The following EBF3 variants were observed in gnomAD, a reference collection of about 807,000 sequenced individuals.
EBF3 encodes the protein EBF transcription factor 3.
A neutral mutation model predicts 77.1 loss-of-function variants in EBF3; 18 were observed. That is an observed-to-expected ratio of 0.23 (90% CI 0.16 to 0.35). The LOEUF (loss-of-function observed/expected upper bound fraction) is 0.35, where lower values mean the gene tolerates loss of function less well. Ranked by LOEUF, EBF3 falls within the 10% of genes least tolerant of loss-of-function variation. The pLI is 1.00. For synonymous variants in EBF3, 350 were observed against 343.5 expected (o/e 1.02, Z -0.21); for missense variants, 558 against 860.0 (o/e 0.65, Z 4.39).
chr10:129,843,063 C>T (rs540857337), intron 12 of EBF3, 74 bp downstream of exon 12: 5 of 1,485,278 alleles, frequency 3.4e-6, no homozygotes, highest in South Asian at 1.2e-5. Flanking sequence ...AAAGCCCACA[C>T]TGGAGCCACG....
At position 129,842,438 on chromosome 10, in the gene EBF3, C is replaced by T. The variant is rs1215998695; in HGVS notation, c.1195-145G>A. 1.0e-6 allele frequency: 1 copy of T among 973,764 alleles called. No homozygotes were observed. Among genetic ancestry groups the T allele is most frequent in the Non-Finnish European group, 1.5e-6 (1 of 687,598 alleles). The allele number at this position is 973,764 out of a possible 1,614,324, so 60.3% of individuals were successfully genotyped here. A position where few individuals can be genotyped will look rare whatever the true frequency, so the allele number is the denominator to read the frequency against. ...ATTTCTTAATGGGCAAAGAGCTTCC[C>T]CTAGAAAATCATTTACTGACGCTTT... is the stretch of plus-strand genomic sequence containing the variant. On this transcript the variant is annotated intron_variant, in intron 12 of 16. Transcript: ENST00000440978. This position sits in a 1 kb window ranked among gnomAD's most constrained non-coding sequence, Gnocchi z 4.4.
intron 6 of EBF3, among the ~76,000 whole-genome samples, chr10:129,908,331 G>C (rs1226019740): frequency 2.0e-5 from 3 of 152,156 alleles, no homozygotes; most frequent in Non-Finnish European, 4.4e-5. Flanking sequence ...AGATAAAGTG[G>C]ACAATTACTA....
At chr10:129,849,005 G>A (rs1269943527) in intron 10 of EBF3, among the ~76,000 whole-genome samples, 1 of 152,176 alleles carries the variant, frequency 6.6e-6, no homozygotes, top group East Asian at 1.9e-4. Flanking sequence ...AACTGATGTA[G>A]GGCACTATCA....
At position 129,915,462 on chromosome 10, in the gene EBF3, G is replaced by GCACA. The variant is rs3041735; in HGVS notation, c.555-37617_555-37614dup. On this transcript the variant is annotated intron_variant, in intron 6 of 16. Coordinates refer to ENST00000440978, the MANE Select transcript of EBF3 (RefSeq NM_001375380.1). ...CTCACCCATGCATGCGCGCACACAT[G>GCACA]CACACACACACACACACACACACAC... 1.8e-3 allele frequency among the ~76,000 whole-genome samples: 250 copies of GCACA among 139,722 alleles called. 1 individual carries two copies. The highest frequency in any genetic ancestry group is 0.011 in the Middle Eastern group (3 of 280). The allele number at this position is 139,722 out of a possible 152,430, so 91.7% of individuals were successfully genotyped here. A position where few individuals can be genotyped will look rare whatever the true frequency, so the allele number is the denominator to read the frequency against.
At chr10:129,962,150 C>T (rs757911872) in intron 4 of EBF3, 21 bp downstream of exon 4, 25 of 1,613,762 alleles carry the variant, frequency 1.5e-5, no homozygotes, top group Non-Finnish European at 2.1e-5. Flanking sequence ...AAAACTCGTG[C>T]AGAGGCATAA....
At chr10:129,838,396 C>T (rs367886772) in intron 16 of EBF3, among the ~76,000 whole-genome samples, 25 of 152,338 alleles carry the variant, frequency 1.6e-4, no homozygotes, top group African/African-American at 5.3e-4. Flanking sequence ...GCCCTGCTCT[C>T]GCTCCCTATG....
intron 6 of EBF3, among the ~76,000 whole-genome samples, chr10:129,942,111 C>G (rs550598198): frequency 6.6e-6 from 1 of 152,204 alleles, no homozygotes; most frequent in Non-Finnish European, 1.5e-5. Context: ...GGCACCAGGC[C>G]TCTCTCAGCA....
At chr10:129,922,833 A>G (rs1856405984) in intron 6 of EBF3, among the ~76,000 whole-genome samples, 1 of 152,108 alleles carries the variant, frequency 6.6e-6, no homozygotes. Context: ...GGCTGAAGAA[A>G]GGAAGGTGGT....
intron 6 of EBF3, among the ~76,000 whole-genome samples, chr10:129,880,113 T>C (rs1853087585): frequency 6.6e-6 from 1 of 152,168 alleles, no homozygotes; most frequent in African/African-American, 2.4e-5. Flanking sequence ...GTTTTGATGA[T>C]ACCCTAACTA....
chr10:129,869,076 T>TCCTTGCTGATGC (rs1852231827), intron 8 of EBF3, among the ~76,000 whole-genome samples: 1 of 152,190 alleles, frequency 6.6e-6, no homozygotes, highest in Non-Finnish European at 1.5e-5. Context: ...TGTACAGGTC[T>TCCTTGCTGATGC]CCTTGCTGAT....
At chr10:129,932,192 C>T (rs1423924634) in intron 6 of EBF3, among the ~76,000 whole-genome samples, 1 of 152,248 alleles carries the variant, frequency 6.6e-6, no homozygotes, top group Non-Finnish European at 1.5e-5. Context: ...TAAGCAACCT[C>T]TTGGGAAGAA....
chr10:129,890,066 G>A (rs575707752), intron 6 of EBF3, among the ~76,000 whole-genome samples: 11 of 145,832 alleles, frequency 7.5e-5, no homozygotes, highest in African/African-American at 1.0e-4. Context: ...TCATGTGCCC[G>A]AGTCCTTACC....
chr10:129,888,873 C>T (rs1374486554), intron 6 of EBF3, among the ~76,000 whole-genome samples: 1 of 151,834 alleles, frequency 6.6e-6, no homozygotes. Flanking sequence ...TATGATTCTG[C>T]AATTACAAAA....
intron 6 of EBF3, among the ~76,000 whole-genome samples, chr10:129,909,717 C>G (rs1589836134): frequency 6.6e-6 from 1 of 152,210 alleles, no homozygotes; most frequent in Non-Finnish European, 1.5e-5. Flanking sequence ...GCCTGCGAAC[C>G]CCCATGCTGG....
intron 4 of EBF3, among the ~76,000 whole-genome samples, chr10:129,959,678 C>T (rs4751154): frequency 0.41 from 61,797 of 151,630 alleles, 15,086 homozygotes; most frequent in South Asian, 0.55. Flanking sequence ...GCTCCCGGGG[C>T]CTCCCTGAGT....
At chr10:129,913,066 G>A (rs1855631535) in intron 6 of EBF3, among the ~76,000 whole-genome samples, 1 of 152,312 alleles carries the variant, frequency 6.6e-6, no homozygotes, top group East Asian at 1.9e-4. Context: ...TTGACAGCCC[G>A]ATCTTTAAAC....
chr10:129,899,695 G>A (rs758371783), intron 6 of EBF3, among the ~76,000 whole-genome samples: 2 of 152,068 alleles, frequency 1.3e-5, no homozygotes, highest in African/African-American at 2.4e-5. Context: ...TCGCAGAACC[G>A]GAAAGGACGC....
In EBF3 at chr10:129,840,251, G is replaced by A. The variant is rs1188186461; in HGVS notation, c.1753C>T (p.Leu585=). The change falls in exon 15 of 17, where the codon CTG becomes TTG. Residue 585 remains leucine, a synonymous_variant. Transcript: ENST00000440978. The part of the protein sequence containing the change: ...PSCTSANGNG[L]QGSLLGAEDV... ...GGCCCCGCACCACCCTCACCTTGCA[G>A]TCCATTCCCGTTGGCGCTGGTGCAG... 1 of 1,572,038 alleles carries A rather than the reference G, an allele frequency of 6.4e-7. No homozygotes were observed. The highest frequency in any genetic ancestry group is 8.6e-7 in the Non-Finnish European group (1 of 1,157,948).
chr10:129,857,796 G>A (rs924061863), intron 10 of EBF3, among the ~76,000 whole-genome samples: 6 of 152,178 alleles, frequency 3.9e-5, no homozygotes, highest in African/African-American at 1.2e-4. Context: ...CACCATGAGC[G>A]CCTATGAGAA....
Sources: allele counts gnomAD v4.1 joint callset (sites outside exome capture counted in the v4.1 genomes callset), GRCh38; gene constraint gnomAD v4.1.1; non-coding constraint Gnocchi (gnomAD v3.1); transcripts MANE v1.5; gene names NCBI Gene and HGNC (gene_info 2026-07-23, HGNC 2026-07-21).